The following ZNF804B variants were observed in gnomAD, a reference collection of about 807,000 sequenced individuals.
The protein encoded by ZNF804B is zinc finger 804B.
Under a neutral mutation model 101.4 loss-of-function variants are expected in ZNF804B, and 80 were observed. The observed-to-expected ratio is 0.79, with a 90% CI of 0.66 to 0.95. ZNF804B has a LOEUF of 0.95. Ranked by LOEUF, ZNF804B falls within the 40% of genes least tolerant of loss-of-function variation. The probability of loss-of-function intolerance (pLI) is 0.00; values close to 1 mark genes in which losing one functional copy is unlikely to be tolerated. For synonymous variants in ZNF804B, 622 were observed against 558.8 expected (o/e 1.11, Z -1.59); for missense variants, 1,673 against 1,561.9 (o/e 1.07, Z -1.20).
chr7:89,014,392 C>T (rs1355364355), intron 1 of ZNF804B, among the ~76,000 whole-genome samples: 1 of 152,096 alleles, frequency 6.6e-6, no homozygotes, highest in Non-Finnish European at 1.5e-5. Flanking sequence ...TGTTGGCTCA[C>T]TGCAAGCTCC....
chr7:89,110,962 C>T (rs1203701499), intron 1 of ZNF804B, among the ~76,000 whole-genome samples: 1 of 152,020 alleles, frequency 6.6e-6, no homozygotes, highest in African/African-American at 2.4e-5. Flanking sequence ...TCAAGGTTGT[C>T]ATATAGTGGG....
intron 2 of ZNF804B, among the ~76,000 whole-genome samples, chr7:89,240,223 T>G (rs1226447725): frequency 6.6e-6 from 1 of 152,102 alleles, no homozygotes; most frequent in African/African-American, 2.4e-5. Context: ...AAAGTCATTT[T>G]GCTAGTCAGT....
intron 1 of ZNF804B, among the ~76,000 whole-genome samples, chr7:89,163,713 G>A (rs1791101849): frequency 6.6e-6 from 1 of 152,080 alleles, no homozygotes; most frequent in African/African-American, 2.4e-5. Context: ...AATGACTAAA[G>A]TTGAAGTGGA....
intron 1 of ZNF804B, among the ~76,000 whole-genome samples, chr7:88,979,028 A>G (rs1223174132): frequency 6.6e-6 from 1 of 151,920 alleles, no homozygotes; most frequent in Non-Finnish European, 1.5e-5. Flanking sequence ...GATTGCAAAA[A>G]CAAACAAAAG....
chr7:89,250,044 C>T (rs1038545620), intron 2 of ZNF804B, among the ~76,000 whole-genome samples: 5 of 151,916 alleles, frequency 3.3e-5, no homozygotes, highest in African/African-American at 9.7e-5. Flanking sequence ...AAAAATTAGC[C>T]AGGTGTGTTG....
chr7:89,307,588 T>A (rs1170029119), intron 2 of ZNF804B, among the ~76,000 whole-genome samples: 1 of 151,986 alleles, frequency 6.6e-6, no homozygotes, highest in East Asian at 1.9e-4. Flanking sequence ...TTCAAGAGAT[T>A]TTGCATTAAC....
chr7:88,842,912 TATTC>T (rs1160497559), intron 1 of ZNF804B, among the ~76,000 whole-genome samples: 1 of 152,210 alleles, frequency 6.6e-6, no homozygotes, highest in Non-Finnish European at 1.5e-5. Flanking sequence ...ATAGAAATAA[TATTC>T]ATGATTCTGC....
At chr7:88,902,886 A>G (rs980253370) in intron 1 of ZNF804B, among the ~76,000 whole-genome samples, 6 of 152,100 alleles carry the variant, frequency 3.9e-5, no homozygotes, top group African/African-American at 1.4e-4. Context: ...AAAACTATGC[A>G]AATTTTCTGT....
intron 1 of ZNF804B, among the ~76,000 whole-genome samples, chr7:88,901,494 T>C (rs1178203702): frequency 6.6e-6 from 1 of 151,882 alleles, no homozygotes; most frequent in Admixed American, 6.6e-5. Context: ...AAAACAACTT[T>C]ACTATTTGCA....
intron 1 of ZNF804B, among the ~76,000 whole-genome samples, chr7:88,870,784 A>G (rs896007175): frequency 4.6e-5 from 7 of 152,182 alleles, no homozygotes; most frequent in African/African-American, 1.7e-4. Context: ...ACATTGCAAA[A>G]AAAGGCATTG....
chr7:89,031,212 T>C (rs1028837339), intron 1 of ZNF804B, among the ~76,000 whole-genome samples: 2 of 145,544 alleles, frequency 1.4e-5, no homozygotes, highest in Admixed American at 6.9e-5. Flanking sequence ...TGTGTGTGTG[T>C]ATATATATAT....
chr7:88,842,021 A>G (rs1484086279), intron 1 of ZNF804B, among the ~76,000 whole-genome samples: 2 of 152,216 alleles, frequency 1.3e-5, no homozygotes, highest in African/African-American at 2.4e-5. Context: ...AATCTCAGCT[A>G]TGCTCTGCTT....
intron 2 of ZNF804B, among the ~76,000 whole-genome samples, chr7:89,263,299 C>T (rs1365427153): frequency 2.0e-5 from 3 of 152,254 alleles, no homozygotes; most frequent in South Asian, 2.1e-4. Flanking sequence ...ACTGGTTCCA[C>T]GCCCTACCAG....
intron 1 of ZNF804B, among the ~76,000 whole-genome samples, chr7:89,160,700 G>T (rs547803004): frequency 3.3e-4 from 50 of 152,192 alleles, no homozygotes; most frequent in African/African-American, 1.2e-3. Context: ...TGGGACTTTT[G>T]TGGTTGTTAT....
intron 1 of ZNF804B, among the ~76,000 whole-genome samples, chr7:89,034,089 T>A (rs1170392195): frequency 1.3e-5 from 2 of 152,128 alleles, no homozygotes; most frequent in Non-Finnish European, 1.5e-5. Flanking sequence ...TATTTATTTG[T>A]TATTGAATCC....
chr7:89,047,060 G>A (rs1458960261), intron 1 of ZNF804B, among the ~76,000 whole-genome samples: 7 of 151,902 alleles, frequency 4.6e-5, no homozygotes, highest in African/African-American at 1.7e-4. Flanking sequence ...TATCCTTTGA[G>A]GGTTTTAAAA....
At chr7:89,070,269 C>A (rs945200816) in intron 1 of ZNF804B, among the ~76,000 whole-genome samples, 1 of 152,106 alleles carries the variant, frequency 6.6e-6, no homozygotes, top group Non-Finnish European at 1.5e-5. Context: ...GAGAGAACAG[C>A]AAATGCAAAA....
chr7:88,988,118 TC>T (rs1439830231), intron 1 of ZNF804B, among the ~76,000 whole-genome samples: 4 of 151,948 alleles, frequency 2.6e-5, no homozygotes, highest in Non-Finnish European at 5.9e-5. Context: ...CATAATGTCC[TC>T]CAGTTCCATC....
chr7:89,129,268 T>G (rs1330156401), intron 1 of ZNF804B, among the ~76,000 whole-genome samples: 1 of 152,026 alleles, frequency 6.6e-6, no homozygotes, highest in African/African-American at 2.4e-5. Flanking sequence ...TTTAAGTAAT[T>G]CAATAAAGTG....
Sources: allele counts gnomAD v4.1 joint callset (sites outside exome capture counted in the v4.1 genomes callset), GRCh38; gene constraint gnomAD v4.1.1; transcripts MANE v1.5; gene names NCBI Gene and HGNC (gene_info 2026-07-23, HGNC 2026-07-21).